The following CCSER1 variants were observed in gnomAD, a reference collection of about 807,000 sequenced individuals.
CCSER1 encodes the protein serine-rich coiled-coil domain-containing protein 1.
In CCSER1, 41 loss-of-function variants were observed where a neutral mutation model predicts 82.0. The observed-to-expected ratio is 0.50, with a 90% CI of 0.39 to 0.65. The LOEUF is 0.65. Ranked by LOEUF, CCSER1 falls within the 30% of genes least tolerant of loss-of-function variation. CCSER1 has a pLI of 0.00. For synonymous variants in CCSER1, 414 were observed against 383.9 expected (o/e 1.08, Z -0.92); for missense variants, 1,119 against 1,064.2 (o/e 1.05, Z -0.72).
In CCSER1 at chr4:90,534,441, TTGTGTGTGTGTGTGTG is replaced by T. The variant is rs376987549; in HGVS notation, c.1724+66120_1724+66135del. ...ACCGAGCCCAGGCTGTGCCAGCCTT[TTGTGTGTGTGTGTGTG>T]TGTGTGTGTGTGTGTGTGTGTGTGT... On this transcript the variant is annotated intron_variant, in intron 5 of 10. Coordinates refer to ENST00000509176, the MANE Select transcript of CCSER1 (RefSeq NM_001145065.2). Among the ~76,000 whole-genome samples the T allele has an allele frequency of 1.6e-3, 225 of 136,466 alleles. 3 individuals carry two copies. In the Middle Eastern group the frequency reaches 0.034, roughly 21 times the overall value. The allele number at this position is 136,466 out of a possible 152,430, so 89.5% of individuals were successfully genotyped here.
intron 1 of CCSER1, among the ~76,000 whole-genome samples, chr4:90,223,062 A>T (rs933956258): frequency 6.6e-6 from 1 of 152,178 alleles, no homozygotes; most frequent in Non-Finnish European, 1.5e-5. Context: ...CAGTTCCAGC[A>T]CCACAAGGGT....
intron 4 of CCSER1, among the ~76,000 whole-genome samples, chr4:90,439,839 C>T (rs536979045): frequency 6.6e-5 from 10 of 152,054 alleles, no homozygotes; most frequent in Non-Finnish European, 1.3e-4. Flanking sequence ...ATGTTCTAAA[C>T]CTTTTACTTT....
intron 4 of CCSER1, among the ~76,000 whole-genome samples, chr4:90,416,739 G>T (rs183494244): frequency 1.3e-5 from 2 of 152,028 alleles, no homozygotes; most frequent in African/African-American, 4.8e-5. Context: ...TGATTTAAAT[G>T]TTATTATCTA....
chr4:90,992,200 C>T (rs976812847), intron 9 of CCSER1, among the ~76,000 whole-genome samples: 1 of 151,974 alleles, frequency 6.6e-6, no homozygotes, highest in African/African-American at 2.4e-5. Flanking sequence ...AGCCATTGTG[C>T]CATTAACTAG....
intron 4 of CCSER1, among the ~76,000 whole-genome samples, chr4:90,433,920 T>C (rs1330306557): frequency 6.6e-6 from 1 of 151,866 alleles, no homozygotes; most frequent in Non-Finnish European, 1.5e-5. Flanking sequence ...TAAATAAAAT[T>C]ATAGGCCAAT....
intron 9 of CCSER1, among the ~76,000 whole-genome samples, chr4:91,083,808 A>C (rs151287809): frequency 2.0e-5 from 3 of 152,128 alleles, no homozygotes; most frequent in African/African-American, 4.8e-5. Context: ...AACATACAAA[A>C]TACCAAGAGA....
intron 10 of CCSER1, among the ~76,000 whole-genome samples, chr4:91,143,156 T>C: frequency 6.6e-6 from 1 of 152,192 alleles, no homozygotes; most frequent in East Asian, 1.9e-4. Context: ...CTGATCTCTT[T>C]CAGCAGTTTT....
At chr4:90,699,368 G>C (rs76831285) in intron 6 of CCSER1, among the ~76,000 whole-genome samples, 8,116 of 152,144 alleles carry the variant, frequency 0.053, 500 homozygotes, top group African/African-American at 0.15. Flanking sequence ...AGAAGGTCGG[G>C]GCATGAGAAT....
chr4:90,805,197 G>A (rs943719771), intron 7 of CCSER1, among the ~76,000 whole-genome samples: 6 of 152,156 alleles, frequency 3.9e-5, no homozygotes, highest in African/African-American at 1.2e-4. Context: ...ACTTGGGAAT[G>A]ATTCAACTGG....
intron 10 of CCSER1, among the ~76,000 whole-genome samples, chr4:91,402,807 A>G (rs1295130625): frequency 1.3e-5 from 2 of 152,164 alleles, no homozygotes; most frequent in Non-Finnish European, 2.9e-5. Context: ...GCCTTGTAGT[A>G]TAGTTTGAAG....
chr4:90,707,302 G>C (rs1257374337), intron 6 of CCSER1, among the ~76,000 whole-genome samples: 1 of 150,998 alleles, frequency 6.6e-6, no homozygotes, highest in East Asian at 1.9e-4. Flanking sequence ...CATTCACAGT[G>C]CACCTCTACT....
intron 10 of CCSER1, among the ~76,000 whole-genome samples, chr4:91,542,494 A>T (rs1466242912): frequency 1.3e-5 from 2 of 151,938 alleles, no homozygotes; most frequent in African/African-American, 4.8e-5. Context: ...AGATTCTGTT[A>T]TGTTGTGTGT....
chr4:90,345,430 C>T (rs1347608628), intron 3 of CCSER1, among the ~76,000 whole-genome samples: 2 of 152,022 alleles, frequency 1.3e-5, no homozygotes, highest in Non-Finnish European at 2.9e-5. Flanking sequence ...TTGTTGGTTA[C>T]TGCTGCTAAT....
chr4:91,373,519 A>G (rs766508876), intron 10 of CCSER1, among the ~76,000 whole-genome samples: 7 of 152,158 alleles, frequency 4.6e-5, no homozygotes, highest in Non-Finnish European at 1.0e-4. Context: ...AAATATGTCT[A>G]TAGAAGACAG....
chr4:91,141,846 T>A (rs1179665468), intron 10 of CCSER1, among the ~76,000 whole-genome samples: 1 of 152,178 alleles, frequency 6.6e-6, no homozygotes, highest in Non-Finnish European at 1.5e-5. Context: ...TCATTGTTGT[T>A]TTGATTTGCA....
Position 91,551,656 on chromosome 4 carries a change from AACACACACACACACACAC to A in CCSER1, c.2218-46888_2218-46871del, listed in dbSNP as rs58159693. On this transcript the variant is annotated intron_variant, in intron 10 of 10. Transcript: ENST00000509176. The stretch of plus-strand genomic sequence containing the variant: ...TTCCTGAAGCAGCAGGCAAAAAACA[AACACACACACACACACAC>A]ACACACACACACACACACACACACA... Among the ~76,000 whole-genome samples, 107 of 139,522 alleles carry A rather than the reference AACACACACACACACACAC, an allele frequency of 7.7e-4. 1 individual carries two copies. Among genetic ancestry groups the A allele is most frequent in the East Asian group, 2.5e-3 (12 of 4,734 alleles). The allele number at this position is 139,522 out of a possible 152,430, so 91.5% of individuals were successfully genotyped here. A position where few individuals can be genotyped will look rare whatever the true frequency, so the allele number is the denominator to read the frequency against.
chr4:91,437,989 G>C (rs1326269259), intron 10 of CCSER1, among the ~76,000 whole-genome samples: 1 of 152,166 alleles, frequency 6.6e-6, no homozygotes, highest in Non-Finnish European at 1.5e-5. Flanking sequence ...AGCTCGAACT[G>C]GGTGGAGCCC....
At chr4:90,539,260 A>C (rs1056262710) in intron 5 of CCSER1, among the ~76,000 whole-genome samples, 14 of 152,114 alleles carry the variant, frequency 9.2e-5, no homozygotes, top group African/African-American at 3.1e-4. Context: ...CAAAACTAAC[A>C]AATGAGTGTA....
chr4:90,855,142 G>T (rs1482753969), intron 8 of CCSER1, among the ~76,000 whole-genome samples: 1 of 152,038 alleles, frequency 6.6e-6, no homozygotes, highest in Non-Finnish European at 1.5e-5. Flanking sequence ...ACCAACATTG[G>T]AAATTACAAT....
Sources: allele counts gnomAD v4.1 joint callset (sites outside exome capture counted in the v4.1 genomes callset), GRCh38; gene constraint gnomAD v4.1.1; transcripts MANE v1.5; gene names NCBI Gene and HGNC (gene_info 2026-07-23, HGNC 2026-07-21).